Variants in PACSIN2 observed in about 807,000 individuals in gnomAD.
The protein encoded by PACSIN2 is protein kinase C and casein kinase substrate in neurons 2.
Under a neutral mutation model 63.8 loss-of-function variants are expected in PACSIN2, and 25 were observed. The ratio of observed to expected loss-of-function variants is 0.39; its 90% CI spans 0.29 to 0.55. PACSIN2 has a LOEUF of 0.55. PACSIN2 is among the 20% of genes least tolerant of loss of function. The pLI is 0.62. For missense variants in PACSIN2, 518 were observed against 646.9 expected, an observed-to-expected ratio of 0.80 and a Z score of 2.16; for synonymous variants, 255 against 256.2, an observed-to-expected ratio of 1.00 and a Z score of 0.05.
intron 1 of PACSIN2, among the ~76,000 whole-genome samples, chr22:42,927,783 C>T (rs1165303341): frequency 1.3e-5 from 2 of 151,886 alleles, no homozygotes; most frequent in Non-Finnish European, 1.5e-5. Flanking sequence ...GATGGGGTTT[C>T]GCCATGTTGG....
intron 2 of PACSIN2, chr22:42,909,557 T>C (rs1262771032): frequency 2.1e-6 from 1 of 471,052 alleles, no homozygotes; most frequent in African/African-American, 2.0e-5. Context: ...ACTGCGGAGT[T>C]GATACCAGCT....
chr22:42,944,221 C>T (rs774157454), intron 1 of PACSIN2, among the ~76,000 whole-genome samples: 1 of 152,206 alleles, frequency 6.6e-6, no homozygotes, highest in Admixed American at 6.5e-5. Flanking sequence ...ACCGCACCCC[C>T]AGCCATCCTA....
chr22:42,952,387 A>T (rs932838144), intron 1 of PACSIN2, among the ~76,000 whole-genome samples: 2 of 151,414 alleles, frequency 1.3e-5, no homozygotes, highest in African/African-American at 2.4e-5. Context: ...ACAGAGTCTC[A>T]TTCTGTCACC....
chr22:42,969,421 C>A (rs1335437672), intron 1 of PACSIN2, among the ~76,000 whole-genome samples: 1 of 152,122 alleles, frequency 6.6e-6, no homozygotes, highest in East Asian at 1.9e-4. Flanking sequence ...ATTATTATTA[C>A]CCTGTTATTA....
intron 2 of PACSIN2, among the ~76,000 whole-genome samples, chr22:42,895,129 C>T (rs573836758): frequency 6.6e-6 from 1 of 152,326 alleles, no homozygotes; most frequent in East Asian, 1.9e-4. Context: ...CCCAGCAAGG[C>T]TGGCAGCTCG....
chr22:42,973,969 A>G (rs894477196), intron 1 of PACSIN2, among the ~76,000 whole-genome samples: 8 of 152,226 alleles, frequency 5.3e-5, no homozygotes, highest in African/African-American at 1.9e-4. Flanking sequence ...CCTGATACAA[A>G]TGCCAGCTCA....
chr22:42,963,358 ACCAGCAGCG>A (rs1349063665), intron 1 of PACSIN2, among the ~76,000 whole-genome samples: 1 of 152,134 alleles, frequency 6.6e-6, no homozygotes, highest in Non-Finnish European at 1.5e-5. Flanking sequence ...TTAACTAAAG[ACCAGCAGCG>A]CCACCCATCA....
chr22:42,976,490 G>C (rs974675920), intron 1 of PACSIN2, among the ~76,000 whole-genome samples: 1 of 152,018 alleles, frequency 6.6e-6, no homozygotes, highest in Non-Finnish European at 1.5e-5. Flanking sequence ...CTAAATGCAG[G>C]CCTCCCTGTC....
At chr22:42,951,766 A>G (rs952268337) in intron 1 of PACSIN2, among the ~76,000 whole-genome samples, 7 of 152,140 alleles carry the variant, frequency 4.6e-5, no homozygotes, top group African/African-American at 4.8e-5. Context: ...GCTATTGTCA[A>G]CTGTCACAGT....
intron 1 of PACSIN2, among the ~76,000 whole-genome samples, chr22:42,986,930 A>C (rs1289560932): frequency 6.6e-6 from 1 of 152,202 alleles, no homozygotes; most frequent in Non-Finnish European, 1.5e-5. Context: ...AAAGCCCCTA[A>C]GATCCCCTTC....
At chr22:42,888,345 A>C (rs989700231) in intron 5 of PACSIN2, among the ~76,000 whole-genome samples, 3 of 152,172 alleles carry the variant, frequency 2.0e-5, no homozygotes, top group Admixed American at 6.5e-5. Context: ...ATGTTGGCAC[A>C]AGCAGCTCCC....
intron 1 of PACSIN2, among the ~76,000 whole-genome samples, chr22:42,986,306 CGA>C (rs1168631488): frequency 6.6e-6 from 1 of 152,194 alleles, no homozygotes; most frequent in Non-Finnish European, 1.5e-5. Flanking sequence ...GTGTGGTCAG[CGA>C]GTCTGGTAAG....
In PACSIN2 at chr22:42,888,794, T is replaced by C. The variant is rs780728247; in HGVS notation, c.458A>G (p.Glu153Gly). The change falls in exon 5 of 11, where the codon GAA becomes GGA. Residue 153 changes from glutamate (E) to glycine (G), a missense_variant. By Grantham distance (98) the Glu-to-Gly change is moderately conservative. Around this residue, in one of 2 missense-constraint regions of PACSIN2, gnomAD observed 507 missense variants for 612.3 expected, o/e 0.83. Coordinates refer to ENST00000263246, the MANE Select transcript of PACSIN2 (RefSeq NM_001184970.3). ...TGCATGGTGGGCTTTCTTTGCTGCT[T>C]CTACCTACAGGGAGAATGAGTTCCT... ...KPWAKKLKEV[E>G]AAKKAHHAAC... 9 of 1,614,054 alleles carry C rather than the reference T, an allele frequency of 5.6e-6. No individual in the cohort carries two copies. The highest frequency in any genetic ancestry group is 5.3e-5 in the African/African-American group (4 of 74,922).
intron 1 of PACSIN2, among the ~76,000 whole-genome samples, chr22:42,936,941 T>C (rs1350579561): frequency 6.6e-6 from 1 of 150,834 alleles, no homozygotes; most frequent in Non-Finnish European, 1.5e-5. Context: ...GGGCAGTAAA[T>C]TAAATTAGCA....
At chr22:42,906,289 T>A (rs1355250584) in intron 2 of PACSIN2, among the ~76,000 whole-genome samples, 3 of 152,234 alleles carry the variant, frequency 2.0e-5, no homozygotes, top group Admixed American at 6.5e-5. Flanking sequence ...AAACCTCCAT[T>A]ACTGGGTAGA....
intron 1 of PACSIN2, among the ~76,000 whole-genome samples, chr22:42,999,594 GGA>G (rs1258728097): frequency 6.6e-6 from 1 of 152,200 alleles, no homozygotes; most frequent in Admixed American, 6.5e-5. Flanking sequence ...CTTGAACCCG[GGA>G]CGCGGAGGTT....
intron 1 of PACSIN2, among the ~76,000 whole-genome samples, chr22:42,981,729 T>G (rs1922160390): frequency 1.1e-5 from 1 of 88,476 alleles, no homozygotes; most frequent in South Asian, 4.8e-4. Context: ...TACTGGGAAG[T>G]GAGGAGCCCC....
At position 42,918,741 on chromosome 22, in the gene PACSIN2, G is replaced by A. The variant is rs79521923; in HGVS notation, c.-77-6584C>T. 4.9e-3 allele frequency among the ~76,000 whole-genome samples: 739 copies of A among 152,310 alleles called. 1 individual carries two copies. Among genetic ancestry groups the A allele is most frequent in the African/African-American group, 0.016 (645 of 41,566 alleles). ...AGGATTCTCCAGAGTCCCACCACCT[G>A]CCAGGGAGGCTGGAGCCTCAGGGCT... On this transcript the variant is annotated intron_variant, in intron 1 of 10. Coordinates refer to ENST00000263246, the MANE Select transcript of PACSIN2 (RefSeq NM_001184970.3).
At chr22:42,969,639 C>T (rs966513593) in intron 1 of PACSIN2, among the ~76,000 whole-genome samples, 30 of 152,036 alleles carry the variant, frequency 2.0e-4, no homozygotes, top group Admixed American at 3.3e-4. Flanking sequence ...GTAGTTTCTA[C>T]GTAGAAAGTA....
Sources: allele counts gnomAD v4.1 joint callset (sites outside exome capture counted in the v4.1 genomes callset), GRCh38; gene constraint gnomAD v4.1.1; regional missense constraint gnomAD v4.1.1; transcripts MANE v1.5; gene names NCBI Gene and HGNC (gene_info 2026-07-23, HGNC 2026-07-21).